The following FER1L6 variants were observed in gnomAD, a reference collection of about 807,000 sequenced individuals.
FER1L6 encodes fer-1 like family member 6, also known as fer-1-like protein 6.
FER1L6 carries 177 observed loss-of-function variants against 219.2 expected under a neutral mutation model. The observed-to-expected ratio is 0.81, with a 90% CI of 0.71 to 0.91. FER1L6 has a LOEUF of 0.91. Among genes scored for constraint, FER1L6 ranks in the 40% least tolerant of loss-of-function variants. FER1L6 has a pLI of 0.00. For synonymous variants in FER1L6, 768 were observed against 824.3 expected (o/e 0.93, Z 1.17); for missense variants, 2,153 against 2,259.9 (o/e 0.95, Z 0.96).
In FER1L6 at chr8:123,852,283, T is replaced by G. The variant is rs1897319; in HGVS notation, c.-8+98T>G. The G allele has an allele frequency of 0.77, 117,454 of 152,184 alleles. 45,693 individuals are homozygous for G. Among genetic ancestry groups the G allele is most frequent in the African/African-American group, 0.87 (36,299 of 41,504 alleles). 9.4% of individuals were successfully genotyped at this position (152,184 alleles called of 1,614,324 possible). A position where few individuals can be genotyped will look rare whatever the true frequency, so the allele number is the denominator to read the frequency against. On this transcript the variant is annotated intron_variant, in intron 1 of 40. Coordinates refer to ENST00000522917, the MANE Select transcript of FER1L6 (RefSeq NM_001039112.2). The surrounding 1 kb of genome is among the most constrained non-coding windows in gnomAD (Gnocchi z 4.9). ...TGTATTCCAGTAAGGACAAAATGCT[T>G]CCCCTCCCTTCCACAATGGAAGCAG...
chr8:124,074,109 A>G (rs1821183120), intron 31 of FER1L6, among the ~76,000 whole-genome samples: 1 of 152,062 alleles, frequency 6.6e-6, no homozygotes. Context: ...TTTTGATACC[A>G]TTTCTTACCA....
intron 1 of FER1L6, among the ~76,000 whole-genome samples, chr8:123,897,828 G>A (rs1379003494): frequency 6.6e-6 from 1 of 152,058 alleles, no homozygotes; most frequent in African/African-American, 2.4e-5. Context: ...AGCAAATGTT[G>A]GCAAAGTTTG....
chr8:124,094,531 G>C (rs1822190790), intron 34 of FER1L6, among the ~76,000 whole-genome samples: 1 of 151,948 alleles, frequency 6.6e-6, no homozygotes, highest in South Asian at 2.1e-4. Context: ...TGTCACCCAG[G>C]CTGGAGTGCA....
intron 12 of FER1L6, among the ~76,000 whole-genome samples, chr8:124,001,986 C>T (rs1354597059): frequency 2.6e-5 from 4 of 152,120 alleles, no homozygotes; most frequent in Non-Finnish European, 5.9e-5. Context: ...AAGTGGGTGA[C>T]GGAGCATAGG....
intron 13 of FER1L6, among the ~76,000 whole-genome samples, chr8:124,003,906 A>T (rs1817538681): frequency 6.6e-6 from 1 of 152,186 alleles, no homozygotes; most frequent in African/African-American, 2.4e-5. Flanking sequence ...CAGAGCAATG[A>T]TGATGGTGGT....
intron 1 of FER1L6, among the ~76,000 whole-genome samples, chr8:123,933,531 GCA>G (rs1258587594): frequency 1.3e-5 from 2 of 152,192 alleles, no homozygotes; most frequent in African/African-American, 2.4e-5. Flanking sequence ...GCATATGTGT[GCA>G]CACACATGTG....
rs1821285273 is a variant in FER1L6, at chr8:124,076,266, G to A, written c.4161G>A (p.Lys1387=). 4 of 1,614,110 alleles carry A rather than the reference G, an allele frequency of 2.5e-6. No homozygotes were observed. In the African/African-American group the frequency reaches 5.3e-5, roughly 22 times the overall value. The part of the protein sequence containing the change: ...SDPYIVIKLG[K]TEIKDRDKYI... ...CCTACATTGTGATCAAGCTTGGCAA[G>A]ACAGAAATCAAAGACCGGGATAAAT... Residue 1387 remains lysine, a synonymous_variant, in exon 32 of 41, where the codon AAG becomes AAA. Coordinates refer to ENST00000522917, the MANE Select transcript of FER1L6 (RefSeq NM_001039112.2).
At chr8:124,083,387 G>T (rs952117569) in intron 33 of FER1L6, among the ~76,000 whole-genome samples, 3 of 152,010 alleles carry the variant, frequency 2.0e-5, no homozygotes, top group Non-Finnish European at 4.4e-5. Context: ...AATTCATGTT[G>T]ATTTTATTTT....
At chr8:123,912,418 T>C (rs528516053) in intron 1 of FER1L6, among the ~76,000 whole-genome samples, 2 of 152,274 alleles carry the variant, frequency 1.3e-5, no homozygotes, top group South Asian at 4.1e-4. Context: ...TTTGCACCTG[T>C]AGGGGCTTGG....
At chr8:124,033,589 A>G (rs1819066903) in intron 18 of FER1L6, among the ~76,000 whole-genome samples, 1 of 152,084 alleles carries the variant, frequency 6.6e-6, no homozygotes, top group Admixed American at 6.5e-5. Context: ...CTTCAGCTTC[A>G]TCTGTGTCAT....
At chr8:124,117,672 CT>C (rs1823303740) in intron 39 of FER1L6, among the ~76,000 whole-genome samples, 1 of 152,138 alleles carries the variant, frequency 6.6e-6, no homozygotes, top group African/African-American at 2.4e-5. Flanking sequence ...TCAGACAGCC[CT>C]GCCACTCCCT....
intron 12 of FER1L6, among the ~76,000 whole-genome samples, chr8:123,998,546 G>A (rs1310910969): frequency 6.6e-6 from 1 of 152,034 alleles, no homozygotes; most frequent in Non-Finnish European, 1.5e-5. Context: ...TAAGGCCCAT[G>A]ATGACCACTG....
At chr8:123,966,401 C>G in intron 5 of FER1L6, 111 bp downstream of exon 5, 1 of 1,392,244 alleles carries the variant, frequency 7.2e-7, no homozygotes, top group Non-Finnish European at 9.9e-7. Context: ...CCCTCCCTGG[C>G]CCCCAGTTAA....
intron 6 of FER1L6, 88 bp from the exon 7 acceptor site, chr8:123,973,346 G>A (rs2130276260): frequency 9.6e-7 from 1 of 1,046,002 alleles, no homozygotes; most frequent in Non-Finnish European, 1.5e-6. Flanking sequence ...ACTCCACTGT[G>A]CTCCAGACAG....
intron 12 of FER1L6, among the ~76,000 whole-genome samples, chr8:124,001,638 T>C (rs1817414659): frequency 6.6e-6 from 1 of 152,016 alleles, no homozygotes; most frequent in South Asian, 2.1e-4. Context: ...ATTCCTAAGG[T>C]AAGAATAATG....
At chr8:124,010,756 C>T (rs1460758351) in intron 14 of FER1L6, 42 bp downstream of exon 14, 1 of 1,604,128 alleles carries the variant, frequency 6.2e-7, no homozygotes, top group Non-Finnish European at 8.5e-7. Context: ...AATTGGGAAG[C>T]TGGTGGGGGA....
At chr8:123,910,677 CA>C (rs1248958116) in intron 1 of FER1L6, among the ~76,000 whole-genome samples, 1 of 151,976 alleles carries the variant, frequency 6.6e-6, no homozygotes, top group African/African-American at 2.4e-5. Context: ...AGAGGTCCTC[CA>C]AAACTTGCTT....
chr8:123,862,399 T>A (rs1816761688), intron 1 of FER1L6, among the ~76,000 whole-genome samples: 1 of 137,072 alleles, frequency 7.3e-6, no homozygotes, highest in South Asian at 2.4e-4. Context: ...TATTGAGGAT[T>A]TTTGCATCAA....
intron 34 of FER1L6, 22 bp downstream of exon 34, chr8:124,091,605 T>C (rs370974480): frequency 1.7e-5 from 27 of 1,605,060 alleles, no homozygotes; most frequent in Middle Eastern, 3.3e-4. Context: ...CAAAATATCC[T>C]GCTGGTGTTG....
Sources: allele counts gnomAD v4.1 joint callset (sites outside exome capture counted in the v4.1 genomes callset), GRCh38; gene constraint gnomAD v4.1.1; non-coding constraint Gnocchi (gnomAD v3.1); transcripts MANE v1.5; gene names NCBI Gene and HGNC (gene_info 2026-07-23, HGNC 2026-07-21).